The following MYO16 variants were observed in gnomAD, a reference collection of about 807,000 sequenced individuals.
MYO16 encodes the protein myosin XVI.
MYO16 carries 94 observed loss-of-function variants against 205.3 expected under a neutral mutation model. The observed-to-expected ratio is 0.46, with a 90% CI of 0.39 to 0.54. The LOEUF (loss-of-function observed/expected upper bound fraction) is 0.54. Ranked by LOEUF, MYO16 falls within the 20% of genes least tolerant of loss-of-function variation. MYO16 has a pLI of 0.00. For missense variants in MYO16, 2,315 were observed against 2,387.5 expected (o/e 0.97, Z 0.63); for synonymous variants, 988 against 954.0 (o/e 1.04, Z -0.66).
At chr13:108,986,418 T>C (rs144995770) in intron 20 of MYO16, among the ~76,000 whole-genome samples, 1,951 of 151,170 alleles carry the variant, frequency 0.013, 32 homozygotes, top group African/African-American at 0.045. Context: ...AGGTCAGGAG[T>C]TTGAGACCAG....
chr13:108,804,536 A>T lies in MYO16; in HGVS notation c.742-2143A>T, dbSNP rs1887058258. The stretch of plus-strand genomic sequence containing the variant: ...TGTTGTTGTTGTTTTTAATCTTTTA[A>T]CTCTAGGTCTAACATGTTCTTAGTG... On this transcript the variant is annotated intron_variant, in intron 6 of 34. Coordinates refer to ENST00000457511, the MANE Select transcript of MYO16 (RefSeq NM_001198950.3). Among the ~76,000 whole-genome samples the T allele has an allele frequency of 2.0e-5, 3 of 151,954 alleles. No individual in the cohort carries two copies. The South Asian group carries it at 6.3e-4, about 32-fold the overall frequency.
intron 20 of MYO16, among the ~76,000 whole-genome samples, chr13:108,967,977 C>G (rs1883859483): frequency 6.6e-6 from 1 of 152,150 alleles, no homozygotes; most frequent in African/African-American, 2.4e-5. Flanking sequence ...TTTTTCTAAA[C>G]TATAATTTTA....
At chr13:108,737,196 G>A (rs928410082) in intron 4 of MYO16, among the ~76,000 whole-genome samples, 2 of 152,162 alleles carry the variant, frequency 1.3e-5, no homozygotes, top group Non-Finnish European at 2.9e-5. Context: ...GGGTGAGAGA[G>A]GGCATCCCTG....
At chr13:109,187,568 G>A (rs1879736994) in intron 34 of MYO16, among the ~76,000 whole-genome samples, 1 of 152,018 alleles carries the variant, frequency 6.6e-6, no homozygotes, top group South Asian at 2.1e-4. Flanking sequence ...AATTTGTTTT[G>A]TTTCCATTTT....
intron 25 of MYO16, among the ~76,000 whole-genome samples, chr13:109,053,796 T>C (rs910434104): frequency 2.6e-4 from 40 of 152,024 alleles, no homozygotes; most frequent in African/African-American, 9.4e-4. Flanking sequence ...GCCAGGAAAA[T>C]AGGATTTTCC....
chr13:109,043,438 CG>C (rs11325227), intron 23 of MYO16, among the ~76,000 whole-genome samples: 4,205 of 152,168 alleles, frequency 0.028, 210 homozygotes, highest in African/African-American at 0.096. Context: ...TTGAAATCAT[CG>C]GATTTCCATG....
chr13:108,639,843 A>G (rs575863760), intron 1 of MYO16, among the ~76,000 whole-genome samples: 2 of 152,348 alleles, frequency 1.3e-5, no homozygotes, highest in East Asian at 3.9e-4. Flanking sequence ...CTTCAGTACC[A>G]GGACCTTAAG....
intron 24 of MYO16, among the ~76,000 whole-genome samples, chr13:109,049,332 G>A (rs1466402400): frequency 6.6e-6 from 1 of 152,080 alleles, no homozygotes; most frequent in Non-Finnish European, 1.5e-5. Context: ...ATGGATAGTA[G>A]AGTTCTCTTT....
chr13:108,587,141 C>A, the MYO16 span, among the ~76,000 whole-genome samples: 1 of 152,200 alleles, frequency 6.6e-6, no homozygotes. Context: ...GAAATGTAAC[C>A]TTGTGTGGGA....
intron 12 of MYO16, among the ~76,000 whole-genome samples, chr13:108,871,450 C>A (rs1437319782): frequency 7.3e-5 from 11 of 151,254 alleles, no homozygotes; most frequent in African/African-American, 2.7e-4. Context: ...TATAAAAAAA[C>A]CATAGGGCCC....
intron 34 of MYO16, among the ~76,000 whole-genome samples, chr13:109,202,408 A>C (rs1880429759): frequency 6.6e-6 from 1 of 152,164 alleles, no homozygotes; most frequent in Admixed American, 6.5e-5. Flanking sequence ...TTGTGGGAGA[A>C]AGGTGGTATC....
rs554249773 is a variant in MYO16, at chr13:109,085,930, A to G, written c.3336-14855A>G. On this transcript the variant is annotated intron_variant, in intron 27 of 34. Transcript: ENST00000457511. ...GAAATATCGTTATTAAATTTGACCT[A>G]TAACATGTTAGCTGTCTTGATATGG... Among the ~76,000 whole-genome samples, 27 of 152,322 alleles carry G rather than the reference A, an allele frequency of 1.8e-4. No individual in the cohort carries two copies. In the East Asian group the frequency reaches 2.7e-3, roughly 15 times the overall value.
At chr13:109,142,999 A>G (rs973422469) in intron 32 of MYO16, among the ~76,000 whole-genome samples, 1 of 151,828 alleles carries the variant, frequency 6.6e-6, no homozygotes, top group African/African-American at 2.4e-5. Context: ...AAGACCCTCT[A>G]CTGGTAACAC....
chr13:108,991,492 A>G (rs572858245), intron 20 of MYO16, among the ~76,000 whole-genome samples: 2 of 152,366 alleles, frequency 1.3e-5, no homozygotes, highest in East Asian at 1.9e-4. Flanking sequence ...ATCAAAGAAC[A>G]TGCATGTGAC....
At chr13:109,100,195 C>T (rs887781946) in intron 27 of MYO16, among the ~76,000 whole-genome samples, 3 of 152,134 alleles carry the variant, frequency 2.0e-5, no homozygotes, top group African/African-American at 7.2e-5. Context: ...CTGTAGGAAA[C>T]TATTATATTG....
chr13:109,184,276 A>ATCCG (rs1326420058), intron 34 of MYO16, among the ~76,000 whole-genome samples: 1 of 152,194 alleles, frequency 6.6e-6, no homozygotes, highest in African/African-American at 2.4e-5. Flanking sequence ...GGTTCAGGGA[A>ATCCG]TCCGTACTCA....
chr13:109,178,089 T>C (rs551761170), intron 33 of MYO16, among the ~76,000 whole-genome samples: 23 of 152,272 alleles, frequency 1.5e-4, no homozygotes, highest in African/African-American at 5.5e-4. Context: ...CTTTATCTAG[T>C]TTCCTGAAAT....
intron 2 of MYO16, among the ~76,000 whole-genome samples, chr13:108,698,821 C>T (rs920377327): frequency 1.3e-5 from 2 of 152,112 alleles, no homozygotes; most frequent in Non-Finnish European, 2.9e-5. Flanking sequence ...CGTCCTGTCC[C>T]CAAAATTGAC....
chr13:109,107,871 C>T (rs1889167936), intron 28 of MYO16, among the ~76,000 whole-genome samples: 1 of 132,040 alleles, frequency 7.6e-6, no homozygotes, highest in South Asian at 2.5e-4. Context: ...GTGTGTATTT[C>T]CTTTCTTCTT....
Sources: gnomAD v4.1 joint callset for allele counts (sites outside exome capture counted in the v4.1 genomes callset) on GRCh38, gnomAD v4.1.1 for gene constraint, MANE v1.5 for transcripts, NCBI Gene and HGNC (gene_info 2026-07-23, HGNC 2026-07-21) for gene names.